The following PRDM5 variants were observed in gnomAD, a reference collection of about 807,000 sequenced individuals.
PRDM5 encodes PR domain zinc finger protein 5.
Under a neutral mutation model 81.2 loss-of-function variants are expected in PRDM5, and 56 were observed. That is an observed-to-expected ratio of 0.69 (90% CI 0.56 to 0.86). The LOEUF is 0.86. PRDM5 is among the 40% of genes least tolerant of loss of function. The pLI is 0.00. For synonymous variants in PRDM5, 267 were observed against 256.4 expected, an observed-to-expected ratio of 1.04 and a Z score of -0.39; for missense variants, 697 against 770.1, an observed-to-expected ratio of 0.91 and a Z score of 1.12.
intron 2 of PRDM5, among the ~76,000 whole-genome samples, chr4:120,900,243 CAG>C: frequency 6.6e-6 from 1 of 152,230 alleles, no homozygotes; most frequent in East Asian, 1.9e-4. Context: ...GAGGGGGACA[CAG>C]GGGGCTGAAA....
chr4:120,870,771 C>T (rs990243170), intron 2 of PRDM5, among the ~76,000 whole-genome samples: 1 of 152,128 alleles, frequency 6.6e-6, no homozygotes, highest in African/African-American at 2.4e-5. Context: ...CAGTGTGGAG[C>T]GGACGGTAGC....
chr4:120,782,436 A>G (rs1218688817), intron 11 of PRDM5, among the ~76,000 whole-genome samples: 1 of 152,222 alleles, frequency 6.6e-6, no homozygotes, highest in South Asian at 2.1e-4. Flanking sequence ...TTCACATGAA[A>G]GGAAGGAAGA....
At chr4:120,711,118 T>G (rs1736915735) in intron 14 of PRDM5, among the ~76,000 whole-genome samples, 1 of 152,122 alleles carries the variant, frequency 6.6e-6, no homozygotes, top group Admixed American at 6.5e-5. Flanking sequence ...GGTTTATGGG[T>G]ACCATAAAAA....
intron 3 of PRDM5, among the ~76,000 whole-genome samples, chr4:120,850,425 A>G (rs1759127153): frequency 6.6e-6 from 1 of 152,070 alleles, no homozygotes; most frequent in African/African-American, 2.4e-5. Context: ...CTCTGCCTTT[A>G]GCTCAGATGT....
At chr4:120,774,396 G>A (rs1747744508) in intron 13 of PRDM5, among the ~76,000 whole-genome samples, 1 of 152,210 alleles carries the variant, frequency 6.6e-6, no homozygotes, top group African/African-American at 2.4e-5. Flanking sequence ...ACTTCATAAG[G>A]AAAAGTAACA....
chr4:120,728,155 A>G (rs1021190206), intron 14 of PRDM5, among the ~76,000 whole-genome samples: 7 of 151,562 alleles, frequency 4.6e-5, no homozygotes, highest in African/African-American at 1.5e-4. Flanking sequence ...GGTTTTCTAG[A>G]CAACAAATCT....
At chr4:120,691,737 GA>G (rs889806584), downstream of PRDM5, among the ~76,000 whole-genome samples, 1 of 152,016 alleles carries the variant, frequency 6.6e-6, no homozygotes, top group African/African-American at 2.4e-5. Context: ...CTCAACTTCA[GA>G]GGTACTTTGC....
chr4:120,777,957 G>A (rs1748430454), intron 12 of PRDM5, among the ~76,000 whole-genome samples: 1 of 152,070 alleles, frequency 6.6e-6, no homozygotes, highest in Non-Finnish European at 1.5e-5. Context: ...CTCCCCAAAA[G>A]AGGAGGGAGA....
intron 3 of PRDM5, among the ~76,000 whole-genome samples, chr4:120,830,050 T>C (rs2149367029): frequency 6.6e-6 from 1 of 152,212 alleles, no homozygotes; most frequent in South Asian, 2.1e-4. Context: ...GCACTCAACA[T>C]ACAAAGCTGA....
At chr4:120,773,410 A>G (rs1230432667) in intron 13 of PRDM5, among the ~76,000 whole-genome samples, 3 of 152,236 alleles carry the variant, frequency 2.0e-5, no homozygotes, top group Non-Finnish European at 2.9e-5. Flanking sequence ...GAGATCAGCT[A>G]TGATATTAAC....
intron 2 of PRDM5, among the ~76,000 whole-genome samples, chr4:120,861,846 A>C (rs1760637897): frequency 1.3e-5 from 2 of 152,144 alleles, no homozygotes; most frequent in African/African-American, 4.8e-5. Context: ...TTTGTATCTG[A>C]AAACTTCTGT....
chr4:120,777,334 G>C, intron 12 of PRDM5, 53 bp from the exon 13 acceptor site: 1 of 1,611,352 alleles, frequency 6.2e-7, no homozygotes, highest in Non-Finnish European at 8.5e-7. Flanking sequence ...ATTAGGTAAA[G>C]ATGATTAAAT....
intron 3 of PRDM5, among the ~76,000 whole-genome samples, chr4:120,847,547 T>C (rs1001180563): frequency 3.3e-5 from 5 of 152,170 alleles, no homozygotes; most frequent in Non-Finnish European, 7.3e-5. Context: ...AGCAACCTCA[T>C]GAAAGTCCTT....
rs192491061 is a variant in PRDM5 at position 120,801,522 on chromosome 4, G to T, written c.946-1777C>A. On this transcript the variant is annotated intron_variant, in intron 8 of 15. Coordinates refer to ENST00000264808, the MANE Select transcript of PRDM5 (RefSeq NM_018699.4). ...CATTAAATTCAGTTATGTAAAGCAGGGAAAAAGTAGAGAAACAAGGCAGAA... is the reference window on the plus strand; with the variant it reads ...CATTAAATTCAGTTATGTAAAGCAGTGAAAAAGTAGAGAAACAAGGCAGAA... 2.7e-4 allele frequency among the ~76,000 whole-genome samples: 41 copies of T among 152,310 alleles called. No homozygotes were observed. The East Asian group carries it at 5.8e-3, about 21-fold the overall frequency.
At chr4:120,688,215 A>C (rs146210180), downstream of PRDM5, among the ~76,000 whole-genome samples, 259 of 148,166 alleles carry the variant, frequency 1.7e-3, no homozygotes, top group African/African-American at 6.1e-3. Flanking sequence ...TTTGATTTGC[A>C]TTTCACTGGT....
At chr4:120,864,422 A>C (rs1487910925) in intron 2 of PRDM5, among the ~76,000 whole-genome samples, 1 of 152,222 alleles carries the variant, frequency 6.6e-6, no homozygotes, top group Non-Finnish European at 1.5e-5. Context: ...AGGTGAAATC[A>C]GGACAGGCAA....
At chr4:120,812,786 C>T (rs1012589639) in intron 7 of PRDM5, 9 of 413,938 alleles carry the variant, frequency 2.2e-5, no homozygotes, top group African/African-American at 1.7e-4. Flanking sequence ...ATATATAAAA[C>T]AGGCCTTTCA....
chr4:120,780,944 C>T (rs1748947769), intron 12 of PRDM5, among the ~76,000 whole-genome samples, 199 bp downstream of exon 12: 1 of 152,044 alleles, frequency 6.6e-6, no homozygotes, highest in Non-Finnish European at 1.5e-5. Flanking sequence ...CTCAGGTTCT[C>T]ATTCATGGAA....
At chr4:120,736,431 T>C (rs1186707377) in intron 14 of PRDM5, among the ~76,000 whole-genome samples, 1 of 152,158 alleles carries the variant, frequency 6.6e-6, no homozygotes. Flanking sequence ...TTGATGATGC[T>C]GGTAGTGGCC....
Sources: allele counts gnomAD v4.1 joint callset (sites outside exome capture counted in the v4.1 genomes callset), GRCh38; gene constraint gnomAD v4.1.1; transcripts MANE v1.5; gene names NCBI Gene and HGNC (gene_info 2026-07-23, HGNC 2026-07-21).